The following FRY variants were observed in gnomAD, a reference collection of about 807,000 sequenced individuals.
The protein encoded by FRY is protein furry homolog.
A neutral mutation model predicts 348.4 loss-of-function variants in FRY; 128 were observed. The observed-to-expected ratio is 0.37, with a 90% CI of 0.32 to 0.43. The LOEUF is 0.43. Ranked by LOEUF, FRY falls within the 20% of genes least tolerant of loss-of-function variation. FRY has a pLI of 1.00. For synonymous variants in FRY, 1,370 were observed against 1,374.7 expected (o/e 1.00, Z 0.08); for missense variants, 2,736 against 3,695.2 (o/e 0.74, Z 6.73).
intron 1 of FRY, among the ~76,000 whole-genome samples, chr13:32,072,687 A>G (rs922892790): frequency 3.3e-5 from 5 of 152,144 alleles, no homozygotes; most frequent in African/African-American, 1.2e-4. Flanking sequence ...ATCACCCTTT[A>G]TGTTTTATGA....
intron 3 of FRY, among the ~76,000 whole-genome samples, chr13:32,116,668 G>GT (rs1055046674): frequency 3.9e-5 from 6 of 151,998 alleles, no homozygotes; most frequent in African/African-American, 1.4e-4. Flanking sequence ...GGATTGAAGT[G>GT]TTTTTTTATA....
Position 32,218,821 on chromosome 13 carries a change from T to C in FRY, c.4755T>C (p.Asp1585=). 1 of 1,595,268 alleles carries C rather than the reference T, an allele frequency of 6.3e-7. No homozygotes were observed. Among genetic ancestry groups the C allele is most frequent in the Non-Finnish European group, 8.6e-7 (1 of 1,163,102 alleles). ...RYSNSSGGSY[D]EDKNDPISPY... Reference sequence around the variant, plus strand: ...GCAATAGCTCTGGAGGATCCTACGATGAAGATAAAAGTAAGTACCAACAGG... The same window carrying C: ...GCAATAGCTCTGGAGGATCCTACGACGAAGATAAAAGTAAGTACCAACAGG... Residue 1585 remains aspartate (D), a synonymous_variant, in exon 36 of 61, where the codon GAT becomes GAC. Transcript: ENST00000542859.
intron 35 of FRY, among the ~76,000 whole-genome samples, chr13:32,214,414 T>C (rs56289612): frequency 0.29 from 44,173 of 152,118 alleles, 7,058 homozygotes; most frequent in African/African-American, 0.43. Flanking sequence ...AATTCATAAA[T>C]TTTCTTAAAA....
At chr13:32,163,822 C>T (rs745964272) in intron 17 of FRY, among the ~76,000 whole-genome samples, 21 of 152,128 alleles carry the variant, frequency 1.4e-4, no homozygotes, top group African/African-American at 3.6e-4. Context: ...ATTTATAGTG[C>T]GTCCTGTTTA....
intron 36 of FRY, among the ~76,000 whole-genome samples, chr13:32,223,164 G>T (rs1019709350): frequency 1.3e-5 from 2 of 151,884 alleles, no homozygotes; most frequent in Non-Finnish European, 2.9e-5. Context: ...CACCATATTG[G>T]CCAGGCTGGT....
At chr13:32,133,205 T>A (rs1002415556) in intron 8 of FRY, among the ~76,000 whole-genome samples, 2 of 152,220 alleles carry the variant, frequency 1.3e-5, no homozygotes, top group African/African-American at 4.8e-5. Context: ...ATAAATTATG[T>A]CACAATAAAA....
chr13:32,070,890 A>G (rs1167580282), intron 1 of FRY, among the ~76,000 whole-genome samples: 3 of 152,158 alleles, frequency 2.0e-5, no homozygotes, highest in African/African-American at 4.8e-5. Flanking sequence ...ATTTTTGTGT[A>G]AGGTGTAAGG....
intron 2 of FRY, among the ~76,000 whole-genome samples, chr13:32,100,151 C>A (rs150095500): frequency 6.8e-6 from 1 of 146,580 alleles, no homozygotes; most frequent in African/African-American, 2.5e-5. Context: ...TGTCACCAGG[C>A]TGGAGTGCCG....
intron 51 of FRY, among the ~76,000 whole-genome samples, chr13:32,257,017 A>T (rs1384085872): frequency 1.3e-5 from 2 of 152,238 alleles, no homozygotes; most frequent in African/African-American, 2.4e-5. Context: ...CAGGCTGTGT[A>T]TTTAAGGTGT....
At chr13:32,238,840 T>C (rs560993614) in intron 44 of FRY, among the ~76,000 whole-genome samples, 1 of 152,322 alleles carries the variant, frequency 6.6e-6, no homozygotes, top group Non-Finnish European at 1.5e-5. Context: ...CCATTCCTTA[T>C]TTTAAAGAGT....
chr13:32,176,806 A>G (rs544107664), intron 20 of FRY, among the ~76,000 whole-genome samples: 1 of 152,390 alleles, frequency 6.6e-6, no homozygotes, highest in Admixed American at 6.5e-5. Flanking sequence ...TGGGAGAAGC[A>G]GTGACTGCTT....
chr13:32,146,269 G>A (rs1880442975), intron 11 of FRY, among the ~76,000 whole-genome samples: 1 of 151,906 alleles, frequency 6.6e-6, no homozygotes, highest in South Asian at 2.1e-4. Context: ...TGTGCATTAT[G>A]AATGAGTACA....
intron 1 of FRY, among the ~76,000 whole-genome samples, chr13:32,071,960 A>C (rs446676): frequency 0.7 from 106,267 of 152,066 alleles, 37,356 homozygotes; most frequent in African/African-American, 0.73. Context: ...GGGAAGCTCA[A>C]AAGATAACGT....
chr13:32,236,183 G>A lies in FRY; in HGVS notation c.5810+11G>A. The A allele has an allele frequency of 6.3e-7, 1 of 1,575,992 alleles. No homozygotes were observed. The highest frequency in any genetic ancestry group is 1.7e-5 in the Admixed American group (1 of 59,990). ...AACTGTATTGTCCCGGTGAGAATCA[G>A]CTTAATGATACTTTGACATCAAGTA... is the stretch of plus-strand genomic sequence containing the variant. On this transcript the variant is annotated intron_variant, in intron 43 of 60. Coordinates refer to ENST00000542859, the MANE Select transcript of FRY (RefSeq NM_023037.3).
intron 13 of FRY, 146 bp from the exon 14 acceptor site, chr13:32,149,602 C>T: frequency 1.5e-6 from 1 of 664,994 alleles, no homozygotes; most frequent in Admixed American, 2.1e-5. Context: ...GGTCTTCCTC[C>T]AGGTTCTCTG....
At chr13:32,262,507 T>C in intron 53 of FRY, 32 bp downstream of exon 53, 3 of 1,565,368 alleles carry the variant, frequency 1.9e-6, no homozygotes, top group South Asian at 1.1e-5. Context: ...TGATTTGTAC[T>C]TCCCTTAAAA....
At chr13:32,272,231 A>G (rs1566185334) in intron 55 of FRY, among the ~76,000 whole-genome samples, 1 of 152,202 alleles carries the variant, frequency 6.6e-6, no homozygotes, top group Admixed American at 6.5e-5. Context: ...ACTGTTTCCC[A>G]ACATTTCCCT....
chr13:32,224,299 C>CT lies in FRY; in HGVS notation c.4832dup (p.Leu1611PhefsTer15). 1 of 1,614,068 alleles carries CT rather than the reference C, an allele frequency of 6.2e-7. No individual in the cohort carries two copies. On this transcript the variant is annotated frameshift_variant, in exon 37 of 61. Coordinates refer to ENST00000542859, the MANE Select transcript of FRY (RefSeq NM_023037.3). LOFTEE classifies it high-confidence loss of function. Reference sequence around the variant, plus strand: ...TTACAGAGACCAAGCAGCCGCAGCCCTTACCGATGCCTTGTACTGGAGGAT... The same window carrying CT: ...TTACAGAGACCAAGCAGCCGCAGCCCTTTACCGATGCCTTGTACTGGAGGAT...
intron 31 of FRY, among the ~76,000 whole-genome samples, chr13:32,206,986 A>T (rs1044397338): frequency 6.6e-6 from 1 of 152,130 alleles, no homozygotes; most frequent in Non-Finnish European, 1.5e-5. Context: ...TTGCATGTCT[A>T]TGGCATTTTT....
Sources: gnomAD v4.1 joint callset for allele counts (sites outside exome capture counted in the v4.1 genomes callset) on GRCh38, gnomAD v4.1.1 for gene constraint, MANE v1.5 for transcripts, NCBI Gene and HGNC (gene_info 2026-07-23, HGNC 2026-07-21) for gene names.